The following TIAM1 variants were observed in gnomAD, a reference collection of about 807,000 sequenced individuals.
TIAM1 encodes the protein TIAM Rac1 associated GEF 1.
TIAM1 carries 65 observed loss-of-function variants against 163.5 expected under a neutral mutation model. The observed-to-expected ratio is 0.40, with a 90% CI of 0.33 to 0.49. TIAM1 has a LOEUF of 0.49. Among genes scored for constraint, TIAM1 ranks in the 20% least tolerant of loss-of-function variants. The pLI is 0.77. For missense variants in TIAM1, 1,789 were observed against 2,044.7 expected (o/e 0.87, Z 2.41); for synonymous variants, 833 against 810.1 (o/e 1.03, Z -0.48).
intron 6 of TIAM1, among the ~76,000 whole-genome samples, chr21:31,232,078 G>A (rs2088472671): frequency 6.6e-6 from 1 of 151,862 alleles, no homozygotes; most frequent in Non-Finnish European, 1.5e-5. Context: ...TGTACTTAAC[G>A]TCACTCAACT....
intron 1 of TIAM1, among the ~76,000 whole-genome samples, chr21:31,498,844 G>A (rs2147441209): frequency 6.6e-6 from 1 of 152,268 alleles, no homozygotes; most frequent in East Asian, 1.9e-4. Flanking sequence ...TACTTGGGAG[G>A]CTGAGGCAGG....
At chr21:31,256,462 G>A (rs1233872143) in intron 4 of TIAM1, among the ~76,000 whole-genome samples, 1 of 151,930 alleles carries the variant, frequency 6.6e-6, no homozygotes, top group Admixed American at 6.6e-5. Flanking sequence ...TGAATTCCAG[G>A]GGGTAAAGAA....
chr21:31,146,417 A>C (rs1250154164), intron 20 of TIAM1, among the ~76,000 whole-genome samples: 2 of 150,716 alleles, frequency 1.3e-5, no homozygotes, highest in East Asian at 2.0e-4. Flanking sequence ...AAAAAAAAAA[A>C]AAAAAAAACA....
Position 31,361,837 on chromosome 21 carries a change from T to TTAGATAGATAGATAGA in TIAM1, c.-368-22431_-368-22416dup, listed in dbSNP as rs75126984. On this transcript the variant is annotated intron_variant, in intron 2 of 28. Coordinates refer to the TIAM1 transcript ENST00000286827. ...CATAGATTCCTTTGAGGAAGAAAGA[T>TTAGATAGATAGATAGA]TAGATAGATAGATAGATAGATAGAT... 3.9e-3 allele frequency among the ~76,000 whole-genome samples: 571 copies of TTAGATAGATAGATAGA among 147,706 alleles called. 2 individuals are homozygous for TTAGATAGATAGATAGA. The highest frequency in any genetic ancestry group is 5.6e-3 in the South Asian group (25 of 4,490).
intron 1 of TIAM1, among the ~76,000 whole-genome samples, chr21:31,483,997 T>A (rs1253877621): frequency 6.6e-6 from 1 of 152,136 alleles, no homozygotes; most frequent in Non-Finnish European, 1.5e-5. Context: ...TGAAAGGTGA[T>A]CAGTCATAAG....
rs570881788 is a variant in TIAM1, at chr21:31,292,175, A to T, written c.-188-15267T>A. Among the ~76,000 whole-genome samples, 20 of 152,178 alleles carry T rather than the reference A, an allele frequency of 1.3e-4. No homozygotes were observed. The East Asian group carries it at 3.9e-3, about 29-fold the overall frequency. On this transcript the variant is annotated intron_variant, in intron 2 of 27. Transcript: ENST00000541036. ...TACCTGCCTGCAGGTTTGTGCTGGGAATTAAGTGAGGCAATGTATGTAAAC... is the reference window on the plus strand; with the variant it reads ...TACCTGCCTGCAGGTTTGTGCTGGGTATTAAGTGAGGCAATGTATGTAAAC...
chr21:31,412,784 T>TA (rs77221722), intron 2 of TIAM1, among the ~76,000 whole-genome samples: 4,234 of 103,364 alleles, frequency 0.041, 152 homozygotes, highest in African/African-American at 0.098. Flanking sequence ...TGTCTCAGGT[T>TA]AAAAAAAAAA....
chr21:31,518,801 T>C (rs892205665), intron 1 of TIAM1, among the ~76,000 whole-genome samples: 3 of 152,216 alleles, frequency 2.0e-5, no homozygotes, highest in African/African-American at 4.8e-5. Context: ...CTTCCCAGCA[T>C]GCCTGGCCGG....
chr21:31,369,699 G>A (rs552910640), intron 2 of TIAM1, among the ~76,000 whole-genome samples: 1 of 152,110 alleles, frequency 6.6e-6, no homozygotes, highest in East Asian at 1.9e-4. Context: ...ATTATTACAT[G>A]TCAACTAAAA....
At chr21:31,272,220 T>C (rs1319194669) in intron 3 of TIAM1, among the ~76,000 whole-genome samples, 1 of 152,332 alleles carries the variant, frequency 6.6e-6, no homozygotes, top group African/African-American at 2.4e-5. Flanking sequence ...GAATATTTCA[T>C]GTAACTTACT....
chr21:31,218,385 T>C (rs1273153132), intron 8 of TIAM1, among the ~76,000 whole-genome samples: 1 of 152,060 alleles, frequency 6.6e-6, no homozygotes, highest in African/African-American at 2.4e-5. Flanking sequence ...CTGGCCAACA[T>C]GGTGAAACCC....
intron 2 of TIAM1, among the ~76,000 whole-genome samples, chr21:31,415,036 T>G (rs1008190877): frequency 2.4e-4 from 37 of 152,300 alleles, no homozygotes; most frequent in African/African-American, 7.9e-4. Flanking sequence ...ATGGGGAATG[T>G]TCTGTGACTC....
At chr21:31,197,716 TAC>T (rs2085950480) in intron 12 of TIAM1, among the ~76,000 whole-genome samples, 1 of 152,172 alleles carries the variant, frequency 6.6e-6, no homozygotes, top group South Asian at 2.1e-4. Flanking sequence ...GACAATAACT[TAC>T]AGAGTTCTGA....
chr21:31,548,119 T>C (rs998260349), intron 1 of TIAM1, among the ~76,000 whole-genome samples: 8 of 149,320 alleles, frequency 5.4e-5, no homozygotes, highest in African/African-American at 2.0e-4. Context: ...CGAATAGTAT[T>C]TGTTATTTGT....
At chr21:31,132,265 A>G (rs1329783111) in intron 23 of TIAM1, among the ~76,000 whole-genome samples, 2 of 152,130 alleles carry the variant, frequency 1.3e-5, no homozygotes, top group African/African-American at 4.8e-5. Context: ...AGATCATGCT[A>G]ATCTCCACTG....
chr21:31,517,048 C>CAAAAAAAAAA (rs747446437), intron 1 of TIAM1, among the ~76,000 whole-genome samples: 3 of 65,320 alleles, frequency 4.6e-5, no homozygotes, highest in Admixed American at 1.5e-4. Context: ...GACTCTGTCT[C>CAAAAAAAAAA]AAAAAAAAAA....
chr21:31,415,861 C>A (rs2043354704), intron 2 of TIAM1, among the ~76,000 whole-genome samples: 1 of 152,138 alleles, frequency 6.6e-6, no homozygotes, highest in African/African-American at 2.4e-5. Flanking sequence ...TCCTCCATGT[C>A]TCTGTCTCGG....
intron 2 of TIAM1, among the ~76,000 whole-genome samples, chr21:31,383,616 G>A (rs187274984): frequency 1.4e-4 from 22 of 152,250 alleles, no homozygotes; most frequent in Non-Finnish European, 2.6e-4. Flanking sequence ...CATTTCCACG[G>A]ACAATTCCTG....
chr21:31,422,378 G>A (rs1044482761), intron 2 of TIAM1, among the ~76,000 whole-genome samples: 1 of 152,158 alleles, frequency 6.6e-6, no homozygotes, highest in Non-Finnish European at 1.5e-5. Context: ...TTGTTCCTCT[G>A]AGCAGTGGTT....
Sources: gnomAD v4.1 joint callset for allele counts (sites outside exome capture counted in the v4.1 genomes callset) on GRCh38, gnomAD v4.1.1 for gene constraint, MANE v1.5 for transcripts, NCBI Gene and HGNC (gene_info 2026-07-23, HGNC 2026-07-21) for gene names.